The following B3GALT1 variants were observed in gnomAD, a reference collection of about 807,000 sequenced individuals.
The protein encoded by B3GALT1 is beta-1,3-galactosyltransferase 1.
In B3GALT1, 10 loss-of-function variants were observed where a neutral mutation model predicts 23.2. The observed-to-expected ratio is 0.43, with a 90% CI of 0.27 to 0.73. B3GALT1 has a LOEUF of 0.73. Ranked by LOEUF, B3GALT1 falls within the 30% of genes least tolerant of loss-of-function variation. The pLI, the probability that B3GALT1 is intolerant of heterozygous loss-of-function variation, is 0.21. For synonymous variants in B3GALT1, 156 were observed against 141.5 expected, an observed-to-expected ratio of 1.10 and a Z score of -0.73; for missense variants, 299 against 405.4, an observed-to-expected ratio of 0.74 and a Z score of 2.25.
At chr2:167,355,122 T>C (rs1697380217) in intron 1 of B3GALT1, among the ~76,000 whole-genome samples, 1 of 152,224 alleles carries the variant, frequency 6.6e-6, no homozygotes, top group Admixed American at 6.5e-5. Flanking sequence ...GGACACTAGT[T>C]GCTGTTGCTA....
intron 2 of B3GALT1, among the ~76,000 whole-genome samples, chr2:167,570,803 G>C (rs1166952297): frequency 6.6e-6 from 1 of 151,846 alleles, no homozygotes; most frequent in South Asian, 2.1e-4. Context: ...ATATCATATA[G>C]TGAGCTTGGA....
At chr2:167,347,900 G>C (rs1022206921) in intron 1 of B3GALT1, among the ~76,000 whole-genome samples, 2 of 152,140 alleles carry the variant, frequency 1.3e-5, no homozygotes, top group African/African-American at 4.8e-5. Flanking sequence ...TCAGAAATCA[G>C]CATCAAGTTT....
intron 3 of B3GALT1, among the ~76,000 whole-genome samples, chr2:167,775,630 T>C (rs1688149227): frequency 6.6e-6 from 1 of 151,240 alleles, no homozygotes; most frequent in Non-Finnish European, 1.5e-5. Flanking sequence ...TATAACATTT[T>C]ATAAAAATAT....
chr2:167,571,182 C>A (rs1287636401), intron 2 of B3GALT1, among the ~76,000 whole-genome samples: 1 of 151,812 alleles, frequency 6.6e-6, no homozygotes, highest in Non-Finnish European at 1.5e-5. Context: ...GGAATTTCAA[C>A]AGAAAATTTC....
At chr2:167,826,581 G>A in intron 4 of B3GALT1, among the ~76,000 whole-genome samples, 1 of 152,134 alleles carries the variant, frequency 6.6e-6, no homozygotes, top group Admixed American at 6.5e-5. Flanking sequence ...AAGGGATCAG[G>A]TGATGACCAG....
At chr2:167,610,361 T>A (rs751139017) in intron 2 of B3GALT1, among the ~76,000 whole-genome samples, 1 of 152,106 alleles carries the variant, frequency 6.6e-6, no homozygotes, top group African/African-American at 2.4e-5. Context: ...CTTATGCACA[T>A]TGGAAAACAT....
At chr2:167,297,258 A>G (rs1696365637) in intron 1 of B3GALT1, among the ~76,000 whole-genome samples, 2 of 152,116 alleles carry the variant, frequency 1.3e-5, no homozygotes, top group Non-Finnish European at 1.5e-5. Context: ...TGCAAAGTCA[A>G]ATCTACAGAA....
intron 1 of B3GALT1, among the ~76,000 whole-genome samples, chr2:167,401,509 C>A (rs548316066): frequency 6.6e-6 from 1 of 152,120 alleles, no homozygotes; most frequent in East Asian, 1.9e-4. Context: ...CAGGCTCTTA[C>A]CCTTGGGGTC....
chr2:167,596,591 A>T (rs1167020340), intron 2 of B3GALT1, among the ~76,000 whole-genome samples: 1 of 152,204 alleles, frequency 6.6e-6, no homozygotes, highest in African/African-American at 2.4e-5. Flanking sequence ...AAGTGATAGA[A>T]TGTCATTGTT....
At chr2:167,371,912 C>T (rs1243132821) in intron 1 of B3GALT1, among the ~76,000 whole-genome samples, 2 of 151,204 alleles carry the variant, frequency 1.3e-5, no homozygotes, top group African/African-American at 4.9e-5. Flanking sequence ...GGGAGTTGAT[C>T]GTATAACTTT....
intron 3 of B3GALT1, among the ~76,000 whole-genome samples, chr2:167,653,399 T>C (rs1266062495): frequency 6.6e-6 from 1 of 152,174 alleles, no homozygotes; most frequent in African/African-American, 2.4e-5. Context: ...AGTTCTTTTG[T>C]TAAAACTCAG....
intron 2 of B3GALT1, among the ~76,000 whole-genome samples, chr2:167,644,200 T>G (rs1685704277): frequency 6.6e-6 from 1 of 152,194 alleles, no homozygotes; most frequent in Non-Finnish European, 1.5e-5. Context: ...AGGGCAGTTT[T>G]GGAGTAAATG....
chr2:167,397,480 T>C (rs564467048), intron 1 of B3GALT1, among the ~76,000 whole-genome samples: 1 of 152,204 alleles, frequency 6.6e-6, no homozygotes, highest in South Asian at 2.1e-4. Flanking sequence ...AATGTTAATA[T>C]AGAAAACCTC....
intron 1 of B3GALT1, among the ~76,000 whole-genome samples, chr2:167,336,718 A>G (rs374513317): frequency 2.0e-5 from 3 of 152,218 alleles, no homozygotes; most frequent in African/African-American, 7.2e-5. Flanking sequence ...CGGAAGATGC[A>G]GTAGATGTAG....
At chr2:167,704,183 C>CA (rs5836157) in intron 3 of B3GALT1, among the ~76,000 whole-genome samples, 68,526 of 112,962 alleles carry the variant, frequency 0.61, 21,009 homozygotes, top group Middle Eastern at 0.7. Flanking sequence ...TCAGTCTCAA[C>CA]AAAAAAAAAA....
intron 2 of B3GALT1, among the ~76,000 whole-genome samples, chr2:167,612,043 C>A (rs1431901): frequency 0.69 from 105,200 of 151,832 alleles, 37,984 homozygotes; most frequent in Admixed American, 0.81. Flanking sequence ...ATGAAAATGT[C>A]TTCATATATA....
intron 1 of B3GALT1, among the ~76,000 whole-genome samples, chr2:167,360,777 T>G (rs910701155): frequency 6.6e-6 from 1 of 152,170 alleles, no homozygotes; most frequent in African/African-American, 2.4e-5. Flanking sequence ...AACTATAATT[T>G]CCTTACTGTA....
At chr2:167,576,827 G>A (rs1468131416) in intron 2 of B3GALT1, among the ~76,000 whole-genome samples, 2 of 151,548 alleles carry the variant, frequency 1.3e-5, no homozygotes, top group African/African-American at 2.4e-5. Flanking sequence ...AAATTAATGC[G>A]ACTCTCACCA....
At chr2:167,564,796 C>A (rs1180429562) in intron 2 of B3GALT1, among the ~76,000 whole-genome samples, 1 of 152,172 alleles carries the variant, frequency 6.6e-6, no homozygotes, top group Non-Finnish European at 1.5e-5. Flanking sequence ...ATCCCACTTA[C>A]AAGGGATGTG....
Sources: allele counts gnomAD v4.1 joint callset (sites outside exome capture counted in the v4.1 genomes callset), GRCh38; gene constraint gnomAD v4.1.1; transcripts MANE v1.5; gene names NCBI Gene and HGNC (gene_info 2026-07-23, HGNC 2026-07-21).